CDIN1: variants seen among roughly 807,000 people sequenced by gnomAD.
CDIN1 encodes the protein CDAN1-interacting nuclease 1.
A neutral mutation model predicts 45.3 loss-of-function variants in CDIN1; 33 were observed. The ratio of observed to expected loss-of-function variants is 0.73; its 90% CI spans 0.55 to 0.97. The LOEUF is 0.97. CDIN1 is among the 50% of genes least tolerant of loss of function. CDIN1 has a pLI of 0.00. For missense variants in CDIN1, 303 were observed against 339.4 expected (o/e 0.89, Z 0.84); for synonymous variants, 118 against 124.4 (o/e 0.95, Z 0.34).
intron 10 of CDIN1, among the ~76,000 whole-genome samples, chr15:36,731,756 G>C (rs1445338476): frequency 6.6e-6 from 1 of 152,132 alleles, no homozygotes; most frequent in Non-Finnish European, 1.5e-5. Context: ...AAACCTGCCT[G>C]TCTGGCTAAA....
chr15:36,810,225 ATAAAT>A lies in CDIN1; in HGVS notation c.*1777_*1781del, dbSNP rs2055352299. On this transcript the variant is annotated 3_prime_UTR_variant, in exon 11 of 11. Transcript: ENST00000566621. The stretch of plus-strand genomic sequence containing the variant: ...AATTTATTATGATGAACGTGAACAA[ATAAAT>A]TAAAAAATAAAAAAGGTACTTGCGT... 2 of 152,314 alleles carry A rather than the reference ATAAAT, an allele frequency of 1.3e-5. No homozygotes were observed. Among genetic ancestry groups the A allele is most frequent in the African/African-American group, 4.8e-5 (2 of 41,566 alleles). 9.4% of individuals were successfully genotyped at this position (152,314 alleles called of 1,614,324 possible). A position where few individuals can be genotyped will look rare whatever the true frequency, so the allele number is the denominator to read the frequency against.
chr15:36,762,983 T>G (rs902471045), intron 10 of CDIN1, among the ~76,000 whole-genome samples: 7 of 152,194 alleles, frequency 4.6e-5, no homozygotes, highest in Admixed American at 6.5e-5. Context: ...AGCAGCATGA[T>G]TTATAATCCT....
intron 1 of CDIN1, among the ~76,000 whole-genome samples, chr15:36,596,782 A>C (rs758697465): frequency 1.3e-5 from 2 of 152,104 alleles, no homozygotes; most frequent in Non-Finnish European, 2.9e-5. Context: ...TCTTTAAAAA[A>C]AACAAAAAAC....
intron 10 of CDIN1, among the ~76,000 whole-genome samples, chr15:36,721,975 G>A (rs1000345497): frequency 6.6e-6 from 1 of 151,888 alleles, no homozygotes; most frequent in South Asian, 2.1e-4. Context: ...CCAATCAAAT[G>A]GCTCACTCTT....
At chr15:36,787,380 T>G (rs2054519327) in intron 10 of CDIN1, among the ~76,000 whole-genome samples, 1 of 152,208 alleles carries the variant, frequency 6.6e-6, no homozygotes, top group Non-Finnish European at 1.5e-5. Flanking sequence ...CAGTGTAATA[T>G]TAGTAGCTGT....
At chr15:36,703,721 A>G (rs1281060652) in intron 8 of CDIN1, among the ~76,000 whole-genome samples, 1 of 152,070 alleles carries the variant, frequency 6.6e-6, no homozygotes, top group Non-Finnish European at 1.5e-5. Context: ...ACACTCACCC[A>G]TGTGCACATC....
At chr15:36,670,016 A>G (rs1487614833) in intron 5 of CDIN1, among the ~76,000 whole-genome samples, 2 of 152,086 alleles carry the variant, frequency 1.3e-5, no homozygotes, top group Non-Finnish European at 2.9e-5. Flanking sequence ...GAGAATGATT[A>G]AACTCTGCCT....
At chr15:36,675,832 C>T (rs4923723) in intron 5 of CDIN1, among the ~76,000 whole-genome samples, 120,814 of 152,066 alleles carry the variant, frequency 0.79, 48,282 homozygotes, top group East Asian at 0.98. Flanking sequence ...ATCTTGAAAC[C>T]GCTGCAAAAA....
At chr15:36,625,862 A>G (rs2039401750) in intron 1 of CDIN1, among the ~76,000 whole-genome samples, 1 of 152,054 alleles carries the variant, frequency 6.6e-6, no homozygotes, top group Non-Finnish European at 1.5e-5. Context: ...AACAACAGAA[A>G]TTTGTTCTCT....
chr15:36,776,077 T>TA (rs1566965957), intron 10 of CDIN1, among the ~76,000 whole-genome samples: 1 of 152,248 alleles, frequency 6.6e-6, no homozygotes, highest in East Asian at 1.9e-4. Flanking sequence ...TTTTTTCAAA[T>TA]ATGTGGTTTA....
chr15:36,695,999 A>G (rs1463677239), intron 7 of CDIN1, among the ~76,000 whole-genome samples: 4 of 152,088 alleles, frequency 2.6e-5, no homozygotes, highest in Non-Finnish European at 1.5e-5. Context: ...CTTTTTGAGA[A>G]GCTATATGGA....
chr15:36,758,399 A>G (rs2053666358), intron 10 of CDIN1, among the ~76,000 whole-genome samples: 1 of 152,146 alleles, frequency 6.6e-6, no homozygotes, highest in African/African-American at 2.4e-5. Context: ...TAAAAAAGCA[A>G]GTTTCTAAAC....
chr15:36,780,336 A>G lies in CDIN1; in HGVS notation c.717-27988A>G, dbSNP rs568500625. Among the ~76,000 whole-genome samples, 7 of 152,318 alleles carry G rather than the reference A, an allele frequency of 4.6e-5. No individual in the cohort carries two copies. The East Asian group carries it at 1.2e-3, about 25-fold the overall frequency. ...TTGGCTCACCAAGCTGAGTCAGGAA[A>G]CCTACCTGTAATAAGACATGTGTAA... On this transcript the variant is annotated intron_variant, in intron 10 of 10. Coordinates refer to ENST00000566621, the MANE Select transcript of CDIN1 (RefSeq NM_001321759.2).
chr15:36,728,281 C>G (rs995619542), intron 10 of CDIN1, among the ~76,000 whole-genome samples: 3 of 152,084 alleles, frequency 2.0e-5, no homozygotes, highest in Non-Finnish European at 4.4e-5. Context: ...GCTTCTCCCA[C>G]CCCCCTACCA....
At chr15:36,676,543 T>G (rs115558337) in intron 5 of CDIN1, among the ~76,000 whole-genome samples, 3,647 of 152,282 alleles carry the variant, frequency 0.024, 146 homozygotes, top group African/African-American at 0.083. Flanking sequence ...AATACAGACT[T>G]GGTCATACCA....
chr15:36,728,992 G>A (rs1326936085), intron 10 of CDIN1, among the ~76,000 whole-genome samples: 1 of 152,072 alleles, frequency 6.6e-6, no homozygotes, highest in African/African-American at 2.4e-5. Context: ...ATTTTTTAAT[G>A]GTTTTCAACT....
intron 4 of CDIN1, among the ~76,000 whole-genome samples, chr15:36,655,708 G>C (rs2040757107): frequency 6.6e-6 from 1 of 152,122 alleles, no homozygotes; most frequent in African/African-American, 2.4e-5. Flanking sequence ...GCTTTAACTA[G>C]GAATTTAGTG....
intron 10 of CDIN1, among the ~76,000 whole-genome samples, chr15:36,733,977 T>C (rs1377686136): frequency 6.6e-6 from 1 of 152,124 alleles, no homozygotes; most frequent in East Asian, 1.9e-4. Flanking sequence ...TGTTAATATA[T>C]TAATAGGGGT....
intron 1 of CDIN1, among the ~76,000 whole-genome samples, chr15:36,621,946 T>C (rs1397605860): frequency 1.3e-5 from 2 of 151,106 alleles, no homozygotes; most frequent in African/African-American, 4.9e-5. Context: ...CTAAATGAAA[T>C]CCTTCAGTCT....
Sources: gnomAD v4.1 joint callset for allele counts (sites outside exome capture counted in the v4.1 genomes callset) on GRCh38, gnomAD v4.1.1 for gene constraint, MANE v1.5 for transcripts, NCBI Gene and HGNC (gene_info 2026-07-23, HGNC 2026-07-21) for gene names.